The following CTNND2 variants were observed in gnomAD, a reference collection of about 807,000 sequenced individuals.
CTNND2 encodes the protein catenin delta 2.
In CTNND2, 22 loss-of-function variants were observed where a neutral mutation model predicts 144.4. The ratio of observed to expected loss-of-function variants is 0.15; its 90% confidence interval spans 0.11 to 0.22. CTNND2 has a LOEUF of 0.22. CTNND2 is among the 10% of genes least tolerant of loss of function. The pLI is 1.00. For synonymous variants in CTNND2, 751 were observed against 695.6 expected (o/e 1.08, Z -1.25); for missense variants, 1,353 against 1,618.8 (o/e 0.84, Z 2.82).
chr5:11,066,698 A>C (rs1747651566), intron 16 of CTNND2, among the ~76,000 whole-genome samples: 1 of 151,992 alleles, frequency 6.6e-6, no homozygotes, highest in Non-Finnish European at 1.5e-5. Flanking sequence ...GCAGAGTTTG[A>C]CTCTTTTCGT....
At chr5:11,613,212 G>A (rs1003386694) in intron 2 of CTNND2, among the ~76,000 whole-genome samples, 1 of 152,158 alleles carries the variant, frequency 6.6e-6, no homozygotes, top group Non-Finnish European at 1.5e-5. Context: ...GTATTCATAT[G>A]GCAATTATTC....
chr5:11,372,625 T>C (rs929605420), intron 7 of CTNND2, among the ~76,000 whole-genome samples: 1 of 151,996 alleles, frequency 6.6e-6, no homozygotes, highest in Non-Finnish European at 1.5e-5. Context: ...GCAACCAATA[T>C]CTGTTCTGGG....
intron 2 of CTNND2, among the ~76,000 whole-genome samples, chr5:11,670,364 T>C (rs1419508459): frequency 6.6e-6 from 1 of 152,120 alleles, no homozygotes; most frequent in Non-Finnish European, 1.5e-5. Context: ...AAGTCTTCCA[T>C]TATTATTGTG....
At chr5:11,835,566 T>C (rs1309334737) in intron 1 of CTNND2, among the ~76,000 whole-genome samples, 1 of 152,196 alleles carries the variant, frequency 6.6e-6, no homozygotes, top group Non-Finnish European at 1.5e-5. Context: ...GAGGATTTTT[T>C]CCATCTCATC....
chr5:11,117,587 G>A lies in CTNND2; in HGVS notation c.2160-20C>T, dbSNP rs751910414. 11 of 1,583,694 alleles carry A rather than the reference G, an allele frequency of 6.9e-6. No homozygotes were observed. Among genetic ancestry groups the A allele is most frequent in the Admixed American group, 3.3e-5 (2 of 59,982 alleles). On this transcript the variant is annotated intron_variant, in intron 12 of 21. Coordinates refer to ENST00000304623, the MANE Select transcript of CTNND2 (RefSeq NM_001332.4). ...ACATTCCTGCAAAGCAAAAGGACAC[G>A]TCAGCGATCTTCACGGTTGTCACCA...
intron 2 of CTNND2, among the ~76,000 whole-genome samples, chr5:11,666,259 G>A (rs563569675): frequency 6.6e-6 from 1 of 152,296 alleles, no homozygotes; most frequent in Admixed American, 6.5e-5. Context: ...GATTGTCTAA[G>A]CTATGCACCT....
intron 16 of CTNND2, among the ~76,000 whole-genome samples, chr5:11,047,899 TC>T (rs1745436944): frequency 6.6e-6 from 1 of 152,156 alleles, no homozygotes; most frequent in African/African-American, 2.4e-5. Flanking sequence ...CAGGTTTAAG[TC>T]CTGTTGTTTT....
intron 2 of CTNND2, among the ~76,000 whole-genome samples, chr5:11,717,574 GAA>G (rs34808379): frequency 8.4e-5 from 10 of 118,382 alleles, no homozygotes; most frequent in South Asian, 2.7e-4. Flanking sequence ...AAGAGACTGT[GAA>G]AAAAAAAAAA....
At chr5:11,193,658 A>G (rs1736569525) in intron 11 of CTNND2, among the ~76,000 whole-genome samples, 1 of 152,080 alleles carries the variant, frequency 6.6e-6, no homozygotes, top group Non-Finnish European at 1.5e-5. Context: ...GTGATCCCCA[A>G]AAAGTGCCAT....
intron 9 of CTNND2, among the ~76,000 whole-genome samples, chr5:11,240,472 C>T (rs1174023559): frequency 2.4e-5 from 3 of 127,342 alleles, no homozygotes; most frequent in Non-Finnish European, 5.0e-5. Context: ...CACACACACT[C>T]ACATACACTC....
At chr5:11,483,392 G>A (rs977916527) in intron 3 of CTNND2, among the ~76,000 whole-genome samples, 1 of 152,212 alleles carries the variant, frequency 6.6e-6, no homozygotes, top group Non-Finnish European at 1.5e-5. Context: ...GAGCAGCCAT[G>A]TGAGTTGGGT....
intron 2 of CTNND2, among the ~76,000 whole-genome samples, chr5:11,643,231 TTTTTAA>T (rs1231360373): frequency 2.6e-5 from 4 of 152,144 alleles, no homozygotes; most frequent in Admixed American, 6.5e-5. Flanking sequence ...TATTTTTGTT[TTTTTAA>T]TTTTATTATT....
chr5:11,644,224 G>A (rs1782224780), intron 2 of CTNND2, among the ~76,000 whole-genome samples: 1 of 152,128 alleles, frequency 6.6e-6, no homozygotes, highest in Non-Finnish European at 1.5e-5. Flanking sequence ...AGGCTGACAG[G>A]AATGTGTCAG....
intron 3 of CTNND2, among the ~76,000 whole-genome samples, chr5:11,445,073 C>G (rs548424019): frequency 6.6e-6 from 1 of 152,122 alleles, no homozygotes; most frequent in African/African-American, 2.4e-5. Context: ...ATAATGTTCT[C>G]GGCATTCTGG....
Position 11,022,685 on chromosome 5 carries a change from A to G in CTNND2, c.2999+84T>C. 5.1e-6 allele frequency: 5 copies of G among 983,936 alleles called. No individual in the cohort carries two copies. In the South Asian group the frequency reaches 6.7e-5, roughly 13 times the overall value. 61.0% of individuals were successfully genotyped at this position (983,936 alleles called of 1,614,324 possible). Reference sequence around the variant, plus strand: ...ACAAATGCTTTCCAGTGACAGTCATAGTACTACCCGTCATCAGGAGTTGAA... The same window carrying G: ...ACAAATGCTTTCCAGTGACAGTCATGGTACTACCCGTCATCAGGAGTTGAA... On this transcript the variant is annotated intron_variant, in intron 17 of 21. Transcript: ENST00000304623.
chr5:11,043,688 T>C (rs999583498), intron 16 of CTNND2, among the ~76,000 whole-genome samples: 2 of 152,196 alleles, frequency 1.3e-5, no homozygotes, highest in Non-Finnish European at 2.9e-5. Flanking sequence ...AGCCAAGTGA[T>C]GACCCACTTT....
At chr5:11,372,192 A>G (rs538532193) in intron 7 of CTNND2, among the ~76,000 whole-genome samples, 1 of 152,352 alleles carries the variant, frequency 6.6e-6, no homozygotes, top group East Asian at 1.9e-4. Flanking sequence ...AATACTTTCC[A>G]GCAAAAATAA....
rs200417671 is a variant in CTNND2, at chr5:10,985,109, A to C, written c.3343+3002T>G. The stretch of plus-strand genomic sequence containing the variant: ...AAATAAATAAATAAATAAATAAATA[A>C]ATACATAAATAAATGGCATAAGAAA... On this transcript the variant is annotated intron_variant, in intron 20 of 21. Transcript: ENST00000304623. 3.5e-3 allele frequency among the ~76,000 whole-genome samples: 465 copies of C among 134,352 alleles called. 2 individuals are homozygous for C. Among genetic ancestry groups the C allele is most frequent in the South Asian group, 0.017 (68 of 3,960 alleles). 88.1% of individuals were successfully genotyped at this position (134,352 alleles called of 152,430 possible).
intron 9 of CTNND2, among the ~76,000 whole-genome samples, chr5:11,275,601 T>C (rs549675852): frequency 2.6e-5 from 4 of 152,324 alleles, no homozygotes; most frequent in Admixed American, 2.6e-4. Context: ...GCAAGAGCAA[T>C]TTTAATTAAG....
Sources: allele counts gnomAD v4.1 joint callset (sites outside exome capture counted in the v4.1 genomes callset), GRCh38; gene constraint gnomAD v4.1.1; transcripts MANE v1.5; gene names NCBI Gene and HGNC (gene_info 2026-07-23, HGNC 2026-07-21).